Variants in CYP1B1 observed in about 807,000 individuals in gnomAD.
The protein encoded by CYP1B1 is cytochrome P450 1B1.
Under a neutral mutation model 29.9 loss-of-function variants are expected in CYP1B1, and 22 were observed. The observed-to-expected ratio is 0.74, with a 90% confidence interval of 0.53 to 1.05. The LOEUF is 1.05. Ranked by LOEUF, CYP1B1 falls within the 50% of genes least tolerant of loss-of-function variation. CYP1B1 has a pLI of 0.00. For synonymous variants in CYP1B1, 375 were observed against 320.0 expected (o/e 1.17, Z -1.83); for missense variants, 883 against 746.9 (o/e 1.18, Z -2.12).
In CYP1B1 at chr2:38,071,267, C is replaced by T. The variant is rs1310420744; in HGVS notation, c.1087G>A (p.Val363Ile). The stretch of plus-strand genomic sequence containing the variant: ...CAAGGCAGACGGTCCCTCCCCACGA[C>T]CTGATCCAATTCTGCCTGCACTCGA... Reference protein sequence around the residue: ...QTRVQAELDQVVGRDRLPCMG... With the variant: ...QTRVQAELDQIVGRDRLPCMG... Residue 363 changes from valine (V) to isoleucine (I), a missense_variant, in exon 3 of 3, where the codon GTC becomes ATC. Transcript: ENST00000610745. 3 of 1,612,962 alleles carry T rather than the reference C, an allele frequency of 1.9e-6. No individual in the cohort carries two copies. Among genetic ancestry groups the T allele is most frequent in the African/African-American group, 2.7e-5 (2 of 74,916 alleles).
chr2:38,075,126 C>A lies in CYP1B1; in HGVS notation c.263G>T (p.Arg88Leu), dbSNP rs776880183. The stretch of plus-strand genomic sequence containing the variant: ...CACCACTATGGGGCAGCTGCCCAGG[C>A]GGATCTGGAAAACGTCGCCGTAGCG... ...ARRYGDVFQI[R>L]LGSCPIVVLN... The change falls in exon 2 of 3, where the codon CGC becomes CTC. Residue 88 changes from arginine to leucine, a missense_variant. Physicochemically the swap from Arg to Leu is moderately radical, Grantham distance 102 (BLOSUM62 -2). Coordinates refer to ENST00000610745, the MANE Select transcript of CYP1B1 (RefSeq NM_000104.4). 5 of 1,578,606 alleles carry A rather than the reference C, an allele frequency of 3.2e-6. No homozygotes were observed. The East Asian group carries it at 6.8e-5, about 22-fold the overall frequency.
chr2:38,074,172 G>C (rs554108400), intron 2 of CYP1B1, 174 bp downstream of exon 2: 4 of 706,844 alleles, frequency 5.7e-6, no homozygotes, highest in South Asian at 1.8e-5. Context: ...GCGCGTGCGC[G>C]TGTCGCAGCC....
In CYP1B1 at chr2:38,068,032, C is replaced by CT. The variant is rs1682345694; in HGVS notation, c.*2689dup. On this transcript the variant is annotated 3_prime_UTR_variant, in exon 3 of 3. Transcript: ENST00000610745. ...CTTTTAGAAAATTCACAAAACAAAC[C>CT]TGAGACATCTTTTTGTTTTGGAAAA... 1 of 200,774 alleles carries CT rather than the reference C, an allele frequency of 5.0e-6. No homozygotes were observed. The highest frequency in any genetic ancestry group is 1.0e-5 in the Non-Finnish European group (1 of 97,188). The allele number at this position is 200,774 out of a possible 1,614,324, so 12.4% of individuals were successfully genotyped here. A position where few individuals can be genotyped will look rare whatever the true frequency, so the allele number is the denominator to read the frequency against.
rs104894979 is a variant in CYP1B1, at chr2:38,070,945, C to T, written c.1409G>A (p.Cys470Tyr). ...CATCTTAGAAAGTTCTTCGCCAATG[C>T]ACCGCCTTTTGCCCACTGAAAAAAT... ...VMIFSVGKRR[C>Y]IGEELSKMQL... The change falls in exon 3 of 3, where the codon TGC becomes TAC. Residue 470 changes from cysteine (C) to tyrosine (Y), a missense_variant. Physicochemically the swap from Cys to Tyr is radical, Grantham distance 194. Transcript: ENST00000610745. 1.9e-6 allele frequency: 3 copies of T among 1,614,084 alleles called. No homozygotes were observed. Among genetic ancestry groups the T allele is most frequent in the African/African-American group, 1.3e-5 (1 of 74,922 alleles).
rs375173625 is a variant in CYP1B1, at chr2:38,074,522, G to C, written c.867C>G (p.Pro289=). 3.4e-5 allele frequency: 54 copies of C among 1,608,700 alleles called. No homozygotes were observed. In the African/African-American group the frequency reaches 5.6e-4, roughly 17 times the overall value. Residue 289 remains proline (P), a synonymous_variant, in exon 2 of 3, where the codon CCC becomes CCG. Transcript: ENST00000610745. Reference sequence around the variant, plus strand: ...GGATAAAGGCGTCCATCATGTCGCGGGGGGCGGCCCCGGGCCGAAGGCTTT... The same window carrying C: ...GGATAAAGGCGTCCATCATGTCGCGCGGGGCGGCCCCGGGCCGAAGGCTTT... ...HCESLRPGAA[P]RDMMDAFILS...
In CYP1B1 at chr2:38,075,034, C is replaced by A. The variant is rs1056827; in HGVS notation, c.355G>T (p.Ala119Ser). Residue 119 changes from alanine to serine, a missense_variant, in exon 2 of 3, where the codon GCC (alanine) becomes TCC (serine). Transcript: ENST00000610745. The part of the protein sequence containing the change: ...QQGSAFADRP[A>S]FASFRVVSGG... ...GACACCACACGGAAGGAGGCGAAGGCCGGCCGGTCGGCGAAGGCCGAGCCC... is the reference window on the plus strand; with the variant it reads ...GACACCACACGGAAGGAGGCGAAGGACGGCCGGTCGGCGAAGGCCGAGCCC... 0.3 allele frequency: 475,157 copies of A among 1,588,118 alleles called. 73,925 individuals are homozygous for A. Among genetic ancestry groups the A allele is most frequent in the African/African-American group, 0.48 (35,944 of 74,804 alleles).
chr2:38,074,811 G>C lies in CYP1B1; in HGVS notation c.578C>G (p.Pro193Arg), dbSNP rs529769268. Residue 193 changes from proline to arginine, a missense_variant, in exon 2 of 3, where the codon CCG (proline) becomes CGG (arginine). Coordinates refer to ENST00000610745, the MANE Select transcript of CYP1B1 (RefSeq NM_000104.4). Reference protein sequence around the residue: ...RGSADGAFLDPRPLTVVAVAN... With the variant: ...RGSADGAFLDRRPLTVVAVAN... ...CACGGCCACGACGGTCAGCGGCCTC[G>C]GGTCGAGGAAGGCGCCGTCCGCGCT... The C allele has an allele frequency of 6.3e-7, 1 of 1,577,046 alleles. No homozygotes were observed. Among genetic ancestry groups the C allele is most frequent in the East Asian group, 2.3e-5 (1 of 42,838 alleles).
chr2:38,071,214 A>G lies in CYP1B1; in HGVS notation c.1140T>C (p.Tyr380=), dbSNP rs747801707. The G allele has an allele frequency of 9.9e-6, 16 of 1,613,306 alleles. No individual in the cohort carries two copies. The highest frequency in any genetic ancestry group is 1.3e-5 in the Non-Finnish European group (15 of 1,180,050). The change falls in exon 3 of 3, where the codon TAT becomes TAC. Residue 380 remains tyrosine (Y), a synonymous_variant. Transcript: ENST00000610745. ...TGGCTTCATAAAGGAAGGCCAGGAC[A>G]TAGGGCAGGTTGGGCTGGTCACCCA... ...PCMGDQPNLP[Y]VLAFLYEAMR...
In CYP1B1 at chr2:38,075,085, C is replaced by T; in HGVS notation, c.304G>A (p.Ala102Thr). The T allele has an allele frequency of 1.3e-6, 2 of 1,580,212 alleles. No individual in the cohort carries two copies. Among genetic ancestry groups the T allele is most frequent in the East Asian group, 2.3e-5 (1 of 43,766 alleles). ...TGCTGCACCAGGGCCTGGTGGATGG[C>T]GCGCTCGCCATTCAGCACCACTATG... Reference protein sequence around the residue: ...CPIVVLNGERAIHQALVQQGS... With the variant: ...CPIVVLNGERTIHQALVQQGS... Residue 102 changes from alanine (A) to threonine (T), a missense_variant, in exon 2 of 3, where the codon GCC (alanine) becomes ACC (threonine). Coordinates refer to ENST00000610745, the MANE Select transcript of CYP1B1 (RefSeq NM_000104.4).
rs1240193217 is a variant in CYP1B1 at position 38,076,061 on chromosome 2, G to C, written c.-283C>G. ...TCCTCACAGCGTTGAGATTGAGACT[G>C]GGGGTCGGTGAGTGGCGTCAATTCC... On this transcript the variant is annotated 5_prime_UTR_variant, in exon 1 of 3. Coordinates refer to ENST00000610745, the MANE Select transcript of CYP1B1 (RefSeq NM_000104.4). 1.3e-5 allele frequency: 2 copies of C among 154,548 alleles called. No individual in the cohort carries two copies. Among genetic ancestry groups the C allele is most frequent in the African/African-American group, 4.8e-5 (2 of 41,488 alleles). 9.6% of individuals were successfully genotyped at this position (154,548 alleles called of 1,614,324 possible).
intron 1 of CYP1B1, 184 bp downstream of exon 1, chr2:38,075,596 T>G (rs1682523999): frequency 1.6e-6 from 1 of 611,560 alleles, no homozygotes; most frequent in African/African-American, 1.8e-5. Context: ...CACCTCGCTG[T>G]AACCCAGCGC....
At chr2:38,074,253 C>T in intron 2 of CYP1B1, 93 bp downstream of exon 2, 5 of 1,413,822 alleles carry the variant, frequency 3.5e-6, no homozygotes, top group Non-Finnish European at 4.9e-6. Flanking sequence ...AACCCCAAAC[C>T]CGGGGCCCTG....
rs78928924 is a variant in CYP1B1, at chr2:38,076,064, G to C, written c.-286C>G. The C allele has an allele frequency of 6.5e-6, 1 of 154,434 alleles. No homozygotes were observed. Among genetic ancestry groups the C allele is most frequent in the Admixed American group, 6.3e-5 (1 of 15,792 alleles). 9.6% of individuals were successfully genotyped at this position (154,434 alleles called of 1,614,324 possible). ...TCACAGCGTTGAGATTGAGACTGGG[G>C]GTCGGTGAGTGGCGTCAATTCCCAT... On this transcript the variant is annotated 5_prime_UTR_variant, in exon 1 of 3. Transcript: ENST00000610745.
At position 38,071,278 on chromosome 2, in the gene CYP1B1, T is replaced by G. The variant is rs947487251; in HGVS notation, c.1076A>C (p.Glu359Ala). The change falls in exon 3 of 3, where the codon GAA becomes GCA. Residue 359 changes from glutamate (E) to alanine (A), a missense_variant. Glu to Ala is a moderately radical substitution (Grantham distance 107, BLOSUM62 -1). Transcript: ENST00000610745. ...GTCCCTCCCCACGACCTGATCCAAT[T>G]CTGCCTGCACTCGAGTCTGCACATC... ...YPDVQTRVQAELDQVVGRDRL... is the reference protein window; with the variant it reads ...YPDVQTRVQAALDQVVGRDRL... 6.2e-7 allele frequency: 1 copy of G among 1,612,280 alleles called. No individual in the cohort carries two copies. The highest frequency in any genetic ancestry group is 8.5e-7 in the Non-Finnish European group (1 of 1,179,466).
chr2:38,075,192 ACCG>A lies in CYP1B1; in HGVS notation c.194_196del (p.Ala65del), dbSNP rs1183055903. On this transcript the variant is annotated inframe_deletion, in exon 2 of 3. Transcript: ENST00000610745. Reference sequence around the variant, plus strand: ...GAACGAGAGGTGAGCCGCCTGGCCCACCGCCGCCGCGTTTCCGATCAGTGGCCA... The same window carrying A: ...GAACGAGAGGTGAGCCGCCTGGCCCACCGCCGCGTTTCCGATCAGTGGCCA... 2.5e-6 allele frequency: 4 copies of A among 1,571,260 alleles called. No individual in the cohort carries two copies. Among genetic ancestry groups the A allele is most frequent in the Non-Finnish European group, 3.4e-6 (4 of 1,165,734 alleles).
intron 1 of CYP1B1, 119 bp from the exon 2 acceptor site, chr2:38,075,508 C>T: frequency 2.9e-6 from 3 of 1,019,966 alleles, no homozygotes; most frequent in Non-Finnish European, 4.4e-6. Context: ...TCGGAGCTGA[C>T]TCTCTGGAGA....
Position 38,068,947 on chromosome 2 carries a change from A to T in CYP1B1, c.*1775T>A. 1 of 227,950 alleles carries T rather than the reference A, an allele frequency of 4.4e-6. No homozygotes were observed. Among genetic ancestry groups the T allele is most frequent in the South Asian group, 1.8e-4 (1 of 5,482 alleles). 14.1% of individuals were successfully genotyped at this position (227,950 alleles called of 1,614,324 possible). A position where few individuals can be genotyped will look rare whatever the true frequency, so the allele number is the denominator to read the frequency against. On this transcript the variant is annotated 3_prime_UTR_variant, in exon 3 of 3. Transcript: ENST00000610745. ...CCACACACACATACACACAACTATC[A>T]AAAACTCCCTTTTTTAAAATTTTGG... is the stretch of plus-strand genomic sequence containing the variant.
At position 38,071,242 on chromosome 2, in the gene CYP1B1, C is replaced by G. The variant is rs1373422312; in HGVS notation, c.1112G>C (p.Cys371Ser). 1 of 1,613,028 alleles carries G rather than the reference C, an allele frequency of 6.2e-7. No homozygotes were observed. The highest frequency in any genetic ancestry group is 1.3e-5 in the African/African-American group (1 of 74,924). ...DQVVGRDRLP[C>S]MGDQPNLPYV... ...GGGCAGGTTGGGCTGGTCACCCATACAAGGCAGACGGTCCCTCCCCACGAC... is the reference window on the plus strand; with the variant it reads ...GGGCAGGTTGGGCTGGTCACCCATAGAAGGCAGACGGTCCCTCCCCACGAC... The change falls in exon 3 of 3, where the codon TGT becomes TCT. Residue 371 changes from cysteine (C) to serine (S), a missense_variant. Cys to Ser is a moderately radical substitution (Grantham distance 112, BLOSUM62 -1). Transcript: ENST00000610745.
chr2:38,072,184 ATAATT>A (rs554339479), intron 2 of CYP1B1, among the ~76,000 whole-genome samples: 11 of 152,234 alleles, frequency 7.2e-5, no homozygotes, highest in Non-Finnish European at 1.6e-4. Flanking sequence ...TTTTCAGAAA[ATAATT>A]TAAGAGATAC....
Sources: allele counts gnomAD v4.1 joint callset (sites outside exome capture counted in the v4.1 genomes callset), GRCh38; gene constraint gnomAD v4.1.1; transcripts MANE v1.5; gene names NCBI Gene and HGNC (gene_info 2026-07-23, HGNC 2026-07-21).